FRMD3: variants seen among roughly 807,000 people sequenced by gnomAD.
FRMD3 encodes FERM domain containing 3.
A neutral mutation model predicts 70.2 loss-of-function variants in FRMD3; 33 were observed. That is an observed-to-expected ratio of 0.47 (90% CI 0.36 to 0.63). The LOEUF (loss-of-function observed/expected upper bound fraction) is 0.63, where lower values mean the gene tolerates loss of function less well. FRMD3 is among the 20% of genes least tolerant of loss of function. The pLI, the probability that FRMD3 is intolerant of heterozygous loss-of-function variation, is 0.00. For missense variants in FRMD3, 632 were observed against 711.4 expected (o/e 0.89, Z 1.27); for synonymous variants, 279 against 255.9 (o/e 1.09, Z -0.86).
intron 7 of FRMD3, among the ~76,000 whole-genome samples, chr9:83,312,616 G>A (rs901118131): frequency 2.0e-5 from 3 of 152,318 alleles, no homozygotes; most frequent in South Asian, 2.1e-4. Context: ...AGAGCCGCTG[G>A]TAAATATTCC....
chr9:83,501,237 T>G (rs989008552), intron 1 of FRMD3, among the ~76,000 whole-genome samples: 1 of 151,620 alleles, frequency 6.6e-6, no homozygotes, highest in Non-Finnish European at 1.5e-5. Context: ...GAGCTTGCAG[T>G]GAGCCGAGAT....
intron 1 of FRMD3, among the ~76,000 whole-genome samples, chr9:83,464,283 T>A (rs1828057124): frequency 6.6e-6 from 1 of 152,194 alleles, no homozygotes; most frequent in Non-Finnish European, 1.5e-5. Context: ...CAGGACTCAT[T>A]CACCCACTGC....
chr9:83,455,804 G>A (rs1420646777), intron 1 of FRMD3, among the ~76,000 whole-genome samples: 1 of 151,976 alleles, frequency 6.6e-6, no homozygotes, highest in African/African-American at 2.4e-5. Flanking sequence ...GACATATAAA[G>A]GATATAAATT....
At chr9:83,426,967 A>C (rs139127678) in intron 1 of FRMD3, among the ~76,000 whole-genome samples, 396 of 152,290 alleles carry the variant, frequency 2.6e-3, no homozygotes, top group Middle Eastern at 6.8e-3. Flanking sequence ...AAACAAACTT[A>C]TTTCCCCTTA....
intron 1 of FRMD3, among the ~76,000 whole-genome samples, chr9:83,512,370 CA>C (rs1564111363): frequency 6.6e-6 from 1 of 152,122 alleles, no homozygotes. Flanking sequence ...AACAGGCACA[CA>C]AGGGGTGAAC....
chr9:83,252,831 C>G (rs1832493579), intron 13 of FRMD3, among the ~76,000 whole-genome samples: 1 of 152,094 alleles, frequency 6.6e-6, no homozygotes, highest in African/African-American at 2.4e-5. Context: ...AATATATATG[C>G]ACCCAATACA....
chr9:83,470,097 G>A (rs1421048688), intron 1 of FRMD3, among the ~76,000 whole-genome samples: 1 of 151,708 alleles, frequency 6.6e-6, no homozygotes, highest in Non-Finnish European at 1.5e-5. Context: ...AACTGATGTA[G>A]CAAATTTAAA....
intron 5 of FRMD3, among the ~76,000 whole-genome samples, chr9:83,336,915 G>C (rs1369507225): frequency 6.6e-6 from 1 of 151,970 alleles, no homozygotes; most frequent in African/African-American, 2.4e-5. Flanking sequence ...TAACTGATCA[G>C]CATTCCTTCC....
At chr9:83,489,307 G>A (rs535922667) in intron 1 of FRMD3, among the ~76,000 whole-genome samples, 4 of 152,046 alleles carry the variant, frequency 2.6e-5, no homozygotes, top group Non-Finnish European at 1.5e-5. Context: ...ACTATCAACA[G>A]AGTAAACAGA....
At chr9:83,258,462 C>G (rs768834164) in intron 13 of FRMD3, among the ~76,000 whole-genome samples, 1 of 152,188 alleles carries the variant, frequency 6.6e-6, no homozygotes, top group Non-Finnish European at 1.5e-5. Flanking sequence ...GTCTAGTTTG[C>G]CTGTGGGTGA....
At chr9:83,277,739 A>C (rs555459766) in intron 13 of FRMD3, among the ~76,000 whole-genome samples, 2 of 152,342 alleles carry the variant, frequency 1.3e-5, no homozygotes, top group East Asian at 3.9e-4. Flanking sequence ...ATCCCAGGAG[A>C]ATATTCTACT....
intron 10 of FRMD3, among the ~76,000 whole-genome samples, chr9:83,304,044 T>C (rs554910836): frequency 1.3e-5 from 2 of 152,356 alleles, no homozygotes; most frequent in Admixed American, 6.5e-5. Flanking sequence ...TTTCCAAGGC[T>C]CATCCAAGTT....
chr9:83,357,250 T>C lies in FRMD3; in HGVS notation c.296-7493A>G, dbSNP rs1340165214. On this transcript the variant is annotated intron_variant, in intron 3 of 13. Coordinates refer to ENST00000304195, the MANE Select transcript of FRMD3 (RefSeq NM_174938.6). ...TTTATATATATATAATACATACATA[T>C]ATATATATATATATATATATATATA... is the stretch of plus-strand genomic sequence containing the variant. 1.7e-3 allele frequency among the ~76,000 whole-genome samples: 15 copies of C among 8,614 alleles called. 2 individuals carry two copies. Among genetic ancestry groups the C allele is most frequent in the Non-Finnish European group, 2.4e-3 (13 of 5,316 alleles). 5.7% of individuals were successfully genotyped at this position (8,614 alleles called of 152,430 possible).
intron 2 of FRMD3, among the ~76,000 whole-genome samples, chr9:83,375,846 G>C (rs11140060): frequency 0.69 from 105,175 of 152,042 alleles, 36,709 homozygotes; most frequent in Admixed American, 0.73. Context: ...TAACAAACCT[G>C]CACATGTACC....
At chr9:83,496,327 C>T (rs12551103) in intron 1 of FRMD3, among the ~76,000 whole-genome samples, 7,726 of 152,214 alleles carry the variant, frequency 0.051, 295 homozygotes, top group East Asian at 0.2. Context: ...TGAAATACAA[C>T]CTTGTTCATC....
intron 1 of FRMD3, among the ~76,000 whole-genome samples, chr9:83,486,751 C>G (rs1828698566): frequency 6.6e-6 from 1 of 152,166 alleles, no homozygotes; most frequent in African/African-American, 2.4e-5. Context: ...ATTTCTAAGC[C>G]ATGAAAATGT....
chr9:83,282,664 G>A (rs73648524), intron 13 of FRMD3, among the ~76,000 whole-genome samples: 1,781 of 152,132 alleles, frequency 0.012, 35 homozygotes, highest in African/African-American at 0.041. Context: ...GCTCTGAAAG[G>A]TGGATAGTCT....
chr9:83,524,422 C>T (rs1313467484), intron 1 of FRMD3, among the ~76,000 whole-genome samples: 8 of 152,182 alleles, frequency 5.3e-5, no homozygotes, highest in African/African-American at 9.7e-5. Flanking sequence ...CATTCAGCCA[C>T]AGGTTACAAA....
At chr9:83,249,425 A>C (rs1446908982) in intron 13 of FRMD3, among the ~76,000 whole-genome samples, 1 of 152,188 alleles carries the variant, frequency 6.6e-6, no homozygotes, top group Non-Finnish European at 1.5e-5. Context: ...GTGGGAAATA[A>C]AGTTAGCATC....
Sources: gnomAD v4.1 joint callset for allele counts (sites outside exome capture counted in the v4.1 genomes callset) on GRCh38, gnomAD v4.1.1 for gene constraint, MANE v1.5 for transcripts, NCBI Gene and HGNC (gene_info 2026-07-23, HGNC 2026-07-21) for gene names.